The following SUMF1 variants were observed in gnomAD, a reference collection of about 807,000 sequenced individuals.
SUMF1 encodes the protein formylglycine-generating enzyme.
In SUMF1, 48 loss-of-function variants were observed where a neutral mutation model predicts 47.6. The ratio of observed to expected loss-of-function variants is 1.01; its 90% CI spans 0.80 to 1.28. The LOEUF (loss-of-function observed/expected upper bound fraction) is 1.28, where lower values mean the gene tolerates loss of function less well. Ranked by LOEUF, SUMF1 falls within the 50% of genes most tolerant of loss-of-function variation. SUMF1 has a pLI of 0.00. For missense variants in SUMF1, 571 were observed against 485.4 expected (o/e 1.18, Z -1.66); for synonymous variants, 230 against 192.1 (o/e 1.20, Z -1.63).
intron 8 of SUMF1, among the ~76,000 whole-genome samples, chr3:4,273,921 A>G (rs1437217406): frequency 1.4e-5 from 2 of 145,490 alleles, no homozygotes; most frequent in East Asian, 4.1e-4. Flanking sequence ...TAATCTAAAC[A>G]TAGGATATGG....
chr3:4,314,730 C>T (rs1354033292), intron 8 of SUMF1, among the ~76,000 whole-genome samples: 1 of 152,150 alleles, frequency 6.6e-6, no homozygotes, highest in East Asian at 1.9e-4. Flanking sequence ...TCTAGAGCAG[C>T]AAACATCTCT....
chr3:4,358,548 ACAAG>A (rs1699673270), downstream of SUMF1, among the ~76,000 whole-genome samples: 1 of 152,212 alleles, frequency 6.6e-6, no homozygotes, highest in South Asian at 2.1e-4. Context: ...ATGTTTTGAA[ACAAG>A]CAGGCACAAA....
At chr3:4,234,045 G>A (rs2124986671) in intron 8 of SUMF1, among the ~76,000 whole-genome samples, 1 of 152,118 alleles carries the variant, frequency 6.6e-6, no homozygotes, top group South Asian at 2.1e-4. Context: ...TTTTTCTAAA[G>A]GCGCCTAAAC....
At chr3:4,330,971 C>G (rs1699039707) in intron 8 of SUMF1, among the ~76,000 whole-genome samples, 1 of 151,986 alleles carries the variant, frequency 6.6e-6, no homozygotes, top group South Asian at 2.1e-4. Context: ...ATTCAAGGGC[C>G]CAGACTCTAA....
At chr3:4,357,871 G>A (rs1220629067), downstream of SUMF1, among the ~76,000 whole-genome samples, 2 of 152,002 alleles carry the variant, frequency 1.3e-5, no homozygotes, top group African/African-American at 2.4e-5. Flanking sequence ...GCCTCCCAAA[G>A]TGCAGGGATT....
chr3:4,142,828 A>T (rs548070622), intron 8 of SUMF1, among the ~76,000 whole-genome samples: 41 of 152,210 alleles, frequency 2.7e-4, no homozygotes, highest in Non-Finnish European at 5.4e-4. Context: ...CCAAAAAGCC[A>T]TCCATGGACT....
At chr3:4,238,397 T>G (rs1483867728) in intron 8 of SUMF1, among the ~76,000 whole-genome samples, 1 of 152,182 alleles carries the variant, frequency 6.6e-6, no homozygotes, top group African/African-American at 2.4e-5. Flanking sequence ...CCACCAACAG[T>G]GTAAAAGCAT....
intron 8 of SUMF1, among the ~76,000 whole-genome samples, chr3:4,101,149 C>A (rs930150505): frequency 6.6e-6 from 1 of 151,208 alleles, no homozygotes; most frequent in Non-Finnish European, 1.5e-5. Flanking sequence ...AGGTATATAC[C>A]CAGGGGAATT....
At chr3:4,113,666 A>C (rs1485024895) in intron 8 of SUMF1, among the ~76,000 whole-genome samples, 4 of 152,092 alleles carry the variant, frequency 2.6e-5, no homozygotes, top group Non-Finnish European at 5.9e-5. Flanking sequence ...ATACTAAGAG[A>C]AAATACTAAA....
At chr3:4,384,494 TTAACCCCTGGAAAACAC>T (rs1700607256) in intron 7 of SUMF1, among the ~76,000 whole-genome samples, 1 of 152,182 alleles carries the variant, frequency 6.6e-6, no homozygotes, top group African/African-American at 2.4e-5. Context: ...CAACCCCTTC[TTAACCCCTGGAAAACAC>T]TAACCCCTTC....
At position 4,303,715 on chromosome 3, in the gene SUMF1, T is replaced by G; in HGVS notation, c.1014+72615A>C. The G allele has an allele frequency of 3.3e-6, 5 of 1,504,852 alleles. No individual in the cohort carries two copies. The South Asian group carries it at 4.9e-5, about 15-fold the overall frequency. The allele number at this position is 1,504,852 out of a possible 1,614,324, so 93.2% of individuals were successfully genotyped here. A position where few individuals can be genotyped will look rare whatever the true frequency, so the allele number is the denominator to read the frequency against. On this transcript the variant is annotated intron_variant and NMD_transcript_variant, in intron 8 of 12. Transcript: ENST00000448413. ...TTTTCTGTTGACCCACGGCATCACC[T>G]TAGCAAGGGTGTTGTCCTTTTCAGT...
intron 8 of SUMF1, among the ~76,000 whole-genome samples, chr3:4,210,239 C>T (rs1695750679): frequency 1.3e-5 from 2 of 152,090 alleles, no homozygotes; most frequent in Admixed American, 1.3e-4. Flanking sequence ...AAAATGTATC[C>T]ATAAATTCAA....
intron 8 of SUMF1, among the ~76,000 whole-genome samples, chr3:4,321,470 T>TAAAAAAAAAAAAAAAAAAAAAAAAAAA (rs1206478992): frequency 3.1e-5 from 2 of 63,732 alleles, no homozygotes; most frequent in Admixed American, 2.0e-4. Flanking sequence ...AAGGAAATGC[T>TAAAAAAAAAAAAAAAAAAAAAAAAAAA]AAAAAAAAAA....
intron 8 of SUMF1, among the ~76,000 whole-genome samples, chr3:4,153,290 C>A (rs192870887): frequency 4.0e-4 from 61 of 151,644 alleles, no homozygotes; most frequent in Middle Eastern, 3.4e-3. Context: ...TAGCTCACTG[C>A]AGCCTCGAAC....
intron 8 of SUMF1, among the ~76,000 whole-genome samples, chr3:4,343,529 G>A (rs139376545): frequency 6.6e-6 from 1 of 152,336 alleles, no homozygotes; most frequent in East Asian, 1.9e-4. Context: ...AGAAAGCAGA[G>A]AATGCTCTAG....
chr3:4,376,822 G>A (rs541363364), intron 7 of SUMF1, among the ~76,000 whole-genome samples: 2 of 152,190 alleles, frequency 1.3e-5, no homozygotes, highest in East Asian at 3.9e-4. Flanking sequence ...TTGAGACAGG[G>A]TCTCCTTCTG....
Position 4,083,320 on chromosome 3 carries a change from G to A in SUMF1, c.1015-14575C>T, listed in dbSNP as rs575584454. On this transcript the variant is annotated intron_variant and NMD_transcript_variant, in intron 8 of 12. Transcript: ENST00000448413. Reference sequence around the variant, plus strand: ...ACCCTGTCCTTTTTCCAAGACACACGTTACTAAAAATCACTGGAACCTGAA... The same window carrying A: ...ACCCTGTCCTTTTTCCAAGACACACATTACTAAAAATCACTGGAACCTGAA... 1.3e-4 allele frequency among the ~76,000 whole-genome samples: 20 copies of A among 152,126 alleles called. No individual in the cohort carries two copies. In the South Asian group the frequency reaches 2.7e-3, roughly 21 times the overall value.
At chr3:4,462,384 T>C (rs1384102572) in intron 1 of SUMF1, among the ~76,000 whole-genome samples, 2 of 152,204 alleles carry the variant, frequency 1.3e-5, no homozygotes, top group African/African-American at 4.8e-5. Flanking sequence ...GAGCCGACTA[T>C]GCAGAAGAGC....
intron 8 of SUMF1, among the ~76,000 whole-genome samples, chr3:4,130,468 T>A (rs1191887118): frequency 6.6e-6 from 1 of 152,218 alleles, no homozygotes; most frequent in East Asian, 1.9e-4. Flanking sequence ...TTTTTGCTTC[T>A]GCAAGATATC....
Sources: gnomAD v4.1 joint callset for allele counts (sites outside exome capture counted in the v4.1 genomes callset) on GRCh38, gnomAD v4.1.1 for gene constraint, MANE v1.5 for transcripts, NCBI Gene and HGNC (gene_info 2026-07-23, HGNC 2026-07-21) for gene names.